The following FRMD6 variants were observed in gnomAD, a reference collection of about 807,000 sequenced individuals.
The protein encoded by FRMD6 is FERM domain-containing protein 6.
A neutral mutation model predicts 73.2 loss-of-function variants in FRMD6; 37 were observed. The ratio of observed to expected loss-of-function variants is 0.51; its 90% CI spans 0.39 to 0.66. The LOEUF is 0.66. FRMD6 is among the 30% of genes least tolerant of loss of function. The probability of loss-of-function intolerance (pLI) is 0.00; values close to 1 mark genes in which losing one functional copy is unlikely to be tolerated. For synonymous variants in FRMD6, 273 were observed against 282.2 expected (o/e 0.97, Z 0.33); for missense variants, 714 against 780.5 (o/e 0.91, Z 1.02).
chr14:51,644,583 A>G (rs1005467740), intron 2 of FRMD6, among the ~76,000 whole-genome samples: 1 of 152,248 alleles, frequency 6.6e-6, no homozygotes, highest in Non-Finnish European at 1.5e-5. Context: ...TAAATCAGAT[A>G]GTAAAATGTG....
intron 2 of FRMD6, among the ~76,000 whole-genome samples, chr14:51,602,044 A>C (rs573673476): frequency 9.3e-4 from 123 of 131,742 alleles, no homozygotes; most frequent in Non-Finnish European, 1.6e-3. Flanking sequence ...TGTTTTCCCC[A>C]ACATTCCGTT....
intron 7 of FRMD6, 64 bp downstream of exon 7, chr14:51,708,297 AG>A: frequency 7.0e-7 from 1 of 1,434,926 alleles, no homozygotes; most frequent in Non-Finnish European, 9.6e-7. Flanking sequence ...AGGATTGAGA[AG>A]GAAAACCGAA....
intron 2 of FRMD6, among the ~76,000 whole-genome samples, chr14:51,621,098 T>C (rs1057173241): frequency 1.3e-5 from 2 of 152,236 alleles, no homozygotes; most frequent in Admixed American, 6.5e-5. Context: ...ACCACGCCAC[T>C]GTTTATGTGC....
intron 1 of FRMD6, among the ~76,000 whole-genome samples, chr14:51,505,027 C>A (rs1389570698): frequency 6.6e-6 from 1 of 152,106 alleles, no homozygotes. Context: ...CTATCTTAGG[C>A]CTCACTGTCC....
Position 51,711,602 on chromosome 14 carries a change from T to G in FRMD6, c.780+6T>G. 1 of 1,594,298 alleles carries G rather than the reference T, an allele frequency of 6.3e-7. No homozygotes were observed. Among genetic ancestry groups the G allele is most frequent in the Non-Finnish European group, 8.6e-7 (1 of 1,162,646 alleles). On this transcript the variant is annotated splice_donor_region_variant and intron_variant, in intron 8 of 13. Coordinates refer to ENST00000344768, the MANE Select transcript of FRMD6 (RefSeq NM_001267046.2). ...GGGGAATACAGATTTTTCAGGTTGG[T>G]AAATGAGAATTGTGTCAAATGCTGT...
intron 1 of FRMD6, among the ~76,000 whole-genome samples, chr14:51,536,665 C>T (rs533532018): frequency 1.5e-4 from 23 of 152,260 alleles, no homozygotes; most frequent in African/African-American, 4.8e-4. Flanking sequence ...GATCTGCCCG[C>T]CTTGGCCTCC....
chr14:51,490,634 G>GTGTGTGTGTGTGTA (rs1173561944), intron 1 of FRMD6, among the ~76,000 whole-genome samples: 1 of 151,924 alleles, frequency 6.6e-6, no homozygotes, highest in Admixed American at 6.6e-5. Flanking sequence ...GTGTGTGTGT[G>GTGTGTGTGTGTGTA]TATAAAATGC....
At position 51,729,869 on chromosome 14, in the gene FRMD6, A is replaced by G. The variant is rs1472250466; in HGVS notation, c.*1840A>G. 6.5e-6 allele frequency: 1 copy of G among 152,686 alleles called. No homozygotes were observed. Among genetic ancestry groups the G allele is most frequent in the Non-Finnish European group, 1.5e-5 (1 of 68,048 alleles). 9.5% of individuals were successfully genotyped at this position (152,686 alleles called of 1,614,324 possible). A position where few individuals can be genotyped will look rare whatever the true frequency, so the allele number is the denominator to read the frequency against. The stretch of plus-strand genomic sequence containing the variant: ...AGTTCCATAGAGTTCTGTGGTCACA[A>G]AATTGTTTTGCTTTTATCAAATACT... On this transcript the variant is annotated 3_prime_UTR_variant, in exon 14 of 14. Transcript: ENST00000344768.
chr14:51,727,649 T>A (rs753275789), intron 13 of FRMD6, 96 bp from the exon 14 acceptor site: 2 of 1,211,012 alleles, frequency 1.7e-6, no homozygotes, highest in Non-Finnish European at 2.3e-6. Flanking sequence ...ATGTAAGGAT[T>A]ACTTAACCTT....
chr14:51,676,095 TG>T (rs924981859), intron 1 of FRMD6, among the ~76,000 whole-genome samples: 3 of 152,120 alleles, frequency 2.0e-5, no homozygotes, highest in Non-Finnish European at 4.4e-5. Flanking sequence ...TTTTTACCCA[TG>T]GGAGTTTTGG....
Position 51,727,782 on chromosome 14 carries a change from A to G in FRMD6, c.1622A>G (p.His541Arg). Residue 541 changes from histidine to arginine, a missense_variant, in exon 14 of 14, where the codon CAC (histidine) becomes CGC (arginine). By Grantham distance (29) the His-to-Arg change is conservative. Transcript: ENST00000344768. ...AAACCAAAGACCTCCACTGATCGACACAGCTTGAGCCTCGATGACATCAGA... is the reference window on the plus strand; with the variant it reads ...AAACCAAAGACCTCCACTGATCGACGCAGCTTGAGCCTCGATGACATCAGA... ...CRKPKTSTDRHSLSLDDIRLY... is the reference protein window; with the variant it reads ...CRKPKTSTDRRSLSLDDIRLY... 6.2e-7 allele frequency: 1 copy of G among 1,611,472 alleles called. No homozygotes were observed.
chr14:51,548,384 C>T (rs1296598691), intron 1 of FRMD6, among the ~76,000 whole-genome samples: 1 of 152,140 alleles, frequency 6.6e-6, no homozygotes, highest in Non-Finnish European at 1.5e-5. Flanking sequence ...GTTAGGTACC[C>T]TGTGGCTTGT....
At chr14:51,673,999 C>T (rs543840045) in intron 1 of FRMD6, among the ~76,000 whole-genome samples, 12 of 152,254 alleles carry the variant, frequency 7.9e-5, no homozygotes, top group Non-Finnish European at 1.5e-4. Context: ...GGAAACATCA[C>T]GACTTTTACT....
At chr14:51,463,332 C>T in the FRMD6 span, among the ~76,000 whole-genome samples, 1 of 152,180 alleles carries the variant, frequency 6.6e-6, no homozygotes, top group Non-Finnish European at 1.5e-5. Flanking sequence ...GCACATCCTC[C>T]CATATGCTTT....
intron 2 of FRMD6, among the ~76,000 whole-genome samples, chr14:51,646,857 C>A (rs1892098217): frequency 6.6e-6 from 1 of 151,910 alleles, no homozygotes; most frequent in Non-Finnish European, 1.5e-5. Context: ...CACTGCCTTG[C>A]CGCTATGCCT....
intron 1 of FRMD6, among the ~76,000 whole-genome samples, chr14:51,670,804 C>T (rs1324174026): frequency 1.3e-5 from 2 of 152,044 alleles, no homozygotes; most frequent in South Asian, 2.1e-4. Flanking sequence ...CACCACCACT[C>T]CCGGCTAATT....
At chr14:51,714,710 C>T (rs1172357770) in intron 9 of FRMD6, 1 of 152,108 alleles carries the variant, frequency 6.6e-6, no homozygotes, top group Non-Finnish European at 1.5e-5. Flanking sequence ...CTTCTAAACC[C>T]CAAATAGATA....
At chr14:51,450,141 T>C in the FRMD6 span, among the ~76,000 whole-genome samples, 1 of 152,210 alleles carries the variant, frequency 6.6e-6, no homozygotes, top group Non-Finnish European at 1.5e-5. Context: ...GTCAAGATCC[T>C]GTGACTTACT....
intron 1 of FRMD6, among the ~76,000 whole-genome samples, chr14:51,561,667 A>G (rs1430330459): frequency 6.6e-6 from 1 of 152,218 alleles, no homozygotes; most frequent in Non-Finnish European, 1.5e-5. Context: ...ATGAGCTCAG[A>G]AAAATAGTCT....
Sources: gnomAD v4.1 joint callset for allele counts (sites outside exome capture counted in the v4.1 genomes callset) on GRCh38, gnomAD v4.1.1 for gene constraint, MANE v1.5 for transcripts, NCBI Gene and HGNC (gene_info 2026-07-23, HGNC 2026-07-21) for gene names.